The following FOXN3 variants were observed in gnomAD, a reference collection of about 807,000 sequenced individuals.
FOXN3 encodes the protein forkhead box protein N3.
Under a neutral mutation model 38.4 loss-of-function variants are expected in FOXN3, and 7 were observed. The ratio of observed to expected loss-of-function variants is 0.18; its 90% confidence interval spans 0.10 to 0.34. FOXN3 has a LOEUF of 0.34. Ranked by LOEUF, FOXN3 falls within the 10% of genes least tolerant of loss-of-function variation. The pLI, the probability that FOXN3 is intolerant of heterozygous loss-of-function variation, is 1.00. For missense variants in FOXN3, 456 were observed against 613.4 expected (o/e 0.74, Z 2.71); for synonymous variants, 230 against 242.2 (o/e 0.95, Z 0.47).
chr14:89,236,453 T>C (rs1478178162), intron 4 of FOXN3, among the ~76,000 whole-genome samples: 1 of 152,098 alleles, frequency 6.6e-6, no homozygotes, highest in Non-Finnish European at 1.5e-5. Flanking sequence ...AGGCGGAGCT[T>C]GCAGTGAGCC....
chr14:89,345,561 T>G (rs1243121071), intron 3 of FOXN3, among the ~76,000 whole-genome samples: 1 of 152,158 alleles, frequency 6.6e-6, no homozygotes, highest in Non-Finnish European at 1.5e-5. Flanking sequence ...AGTGGTGATT[T>G]CGGAGATTTT....
intron 3 of FOXN3, among the ~76,000 whole-genome samples, chr14:89,307,414 T>C (rs558990831): frequency 6.6e-6 from 1 of 152,062 alleles, no homozygotes; most frequent in Non-Finnish European, 1.5e-5. Flanking sequence ...AAAACAAACA[T>C]GGGTACTGTT....
At chr14:89,287,092 T>A (rs964291717) in intron 3 of FOXN3, among the ~76,000 whole-genome samples, 1 of 151,950 alleles carries the variant, frequency 6.6e-6, no homozygotes. Flanking sequence ...GAGAATAAAA[T>A]GAGATGATGG....
chr14:89,234,804 C>A (rs1265724302), intron 4 of FOXN3, among the ~76,000 whole-genome samples: 2 of 152,120 alleles, frequency 1.3e-5, no homozygotes, highest in Non-Finnish European at 2.9e-5. Context: ...CCTACACACC[C>A]CTGCATTGTG....
chr14:89,502,366 T>TA (rs905865332), intron 1 of FOXN3, among the ~76,000 whole-genome samples: 1 of 151,984 alleles, frequency 6.6e-6, no homozygotes, highest in Non-Finnish European at 1.5e-5. Context: ...TATTTTATTT[T>TA]AAAAAAAATA....
upstream of FOXN3, among the ~76,000 whole-genome samples, chr14:89,421,477 C>T (rs749076989): frequency 2.0e-5 from 3 of 150,868 alleles, no homozygotes; most frequent in African/African-American, 4.9e-5. Flanking sequence ...CATGTGAAAT[C>T]GTGCAATTGT....
At chr14:89,185,729 A>T (rs544489799) in intron 4 of FOXN3, 1 of 152,308 alleles carries the variant, frequency 6.6e-6, no homozygotes, top group Non-Finnish European at 1.5e-5. Flanking sequence ...GGCTCTCAGG[A>T]TGAGGGACAT....
intron 1 of FOXN3, among the ~76,000 whole-genome samples, chr14:89,491,682 C>A (rs1233334556): frequency 6.6e-6 from 1 of 152,176 alleles, no homozygotes; most frequent in Non-Finnish European, 1.5e-5. Flanking sequence ...AGCTCTGCCT[C>A]GGGAGGTTTA....
intron 4 of FOXN3, among the ~76,000 whole-genome samples, chr14:89,265,215 C>T (rs1159358626): frequency 2.0e-5 from 3 of 152,054 alleles, no homozygotes; most frequent in South Asian, 4.1e-4. Context: ...TTTTAAAAAC[C>T]GAATTGAAGA....
At chr14:89,473,146 TC>T (rs1475680113) in intron 1 of FOXN3, among the ~76,000 whole-genome samples, 1 of 151,926 alleles carries the variant, frequency 6.6e-6, no homozygotes, top group Non-Finnish European at 1.5e-5. Context: ...TGCCTCAGCC[TC>T]CCAAGTAGCT....
intron 3 of FOXN3, chr14:89,290,799 C>T (rs563785214): frequency 1.0e-3 from 290 of 276,612 alleles, no homozygotes; most frequent in Non-Finnish European, 1.9e-3. Context: ...AGCCCTGGTT[C>T]TGCAGGGTTA....
chr14:89,425,564 C>A (rs1596267906), intron 1 of FOXN3, among the ~76,000 whole-genome samples: 1 of 151,014 alleles, frequency 6.6e-6, no homozygotes, highest in Admixed American at 6.6e-5. Context: ...CGGGGTTGAG[C>A]ATGTTGGCCA....
At chr14:89,277,989 C>A (rs1227335050) in intron 4 of FOXN3, among the ~76,000 whole-genome samples, 1 of 152,040 alleles carries the variant, frequency 6.6e-6, no homozygotes, top group African/African-American at 2.4e-5. Context: ...AGTGTCAGTT[C>A]TCCCAAGAAA....
At position 89,279,393 on chromosome 14, in the gene FOXN3, C is replaced by T. The variant is rs1020078535; in HGVS notation, c.745+1557G>A. On this transcript the variant is annotated intron_variant, in intron 4 of 5. Transcript: ENST00000557258. Reference sequence around the variant, plus strand: ...CCCTCATGTTTTTGCCCCACAGAAACGAACAAAAAGAACTTACCTAATGCC... The same window carrying T: ...CCCTCATGTTTTTGCCCCACAGAAATGAACAAAAAGAACTTACCTAATGCC... Among the ~76,000 whole-genome samples, 5 of 152,136 alleles carry T rather than the reference C, an allele frequency of 3.3e-5. No individual in the cohort carries two copies. The East Asian group carries it at 5.8e-4, about 18-fold the overall frequency.
intron 4 of FOXN3, among the ~76,000 whole-genome samples, chr14:89,212,400 C>G (rs112153849): frequency 1.5e-3 from 230 of 152,280 alleles, no homozygotes; most frequent in Non-Finnish European, 2.8e-3. Context: ...TAGATGAAGT[C>G]AGGCTGAGGT....
intron 1 of FOXN3, among the ~76,000 whole-genome samples, chr14:89,565,916 T>C (rs1297711141): frequency 2.6e-5 from 4 of 152,220 alleles, no homozygotes; most frequent in Non-Finnish European, 5.9e-5. Flanking sequence ...TGCAACTACA[T>C]TTTATTTCTC....
At chr14:89,343,770 G>T (rs1470247397) in intron 3 of FOXN3, among the ~76,000 whole-genome samples, 5 of 151,404 alleles carry the variant, frequency 3.3e-5, no homozygotes, top group Non-Finnish European at 1.5e-5. Flanking sequence ...ATTTTGGTTG[G>T]TTTGTTTGTT....
chr14:89,522,786 C>A, intron 1 of FOXN3, among the ~76,000 whole-genome samples: 1 of 149,016 alleles, frequency 6.7e-6, no homozygotes, highest in Non-Finnish European at 1.5e-5. Context: ...ATACTCAATC[C>A]AAAAGGAGGC....
intron 1 of FOXN3, among the ~76,000 whole-genome samples, chr14:89,425,244 T>C (rs1892001989): frequency 6.6e-6 from 1 of 152,110 alleles, no homozygotes; most frequent in South Asian, 2.1e-4. Flanking sequence ...CTATTGTTTG[T>C]ATTTTCAGTA....
Sources: allele counts gnomAD v4.1 joint callset (sites outside exome capture counted in the v4.1 genomes callset), GRCh38; gene constraint gnomAD v4.1.1; transcripts MANE v1.5; gene names NCBI Gene and HGNC (gene_info 2026-07-23, HGNC 2026-07-21).